KIAA1549L: variants seen among roughly 807,000 people sequenced by gnomAD.
KIAA1549L encodes KIAA1549 like.
KIAA1549L carries 88 observed loss-of-function variants against 160.7 expected under a neutral mutation model. The observed-to-expected ratio is 0.55, with a 90% CI of 0.46 to 0.65. The LOEUF is 0.65. Ranked by LOEUF, KIAA1549L falls within the 30% of genes least tolerant of loss-of-function variation. The pLI, the probability that KIAA1549L is intolerant of heterozygous loss-of-function variation, is 0.00. For synonymous variants in KIAA1549L, 950 were observed against 976.7 expected (o/e 0.97, Z 0.51); for missense variants, 2,258 against 2,437.5 (o/e 0.93, Z 1.55).
chr11:33,597,228 G>A (rs1234563231), intron 12 of KIAA1549L, among the ~76,000 whole-genome samples: 3 of 152,230 alleles, frequency 2.0e-5, no homozygotes, highest in Non-Finnish European at 4.4e-5. Context: ...GAACTTTGGC[G>A]AGGAATGTCC....
chr11:33,549,077 A>G (rs995143747), intron 4 of KIAA1549L, among the ~76,000 whole-genome samples: 3 of 152,268 alleles, frequency 2.0e-5, no homozygotes, highest in African/African-American at 2.4e-5. Flanking sequence ...CTAATCTTCA[A>G]ACATTCTCAA....
intron 8 of KIAA1549L, among the ~76,000 whole-genome samples, chr11:33,562,510 T>C (rs889809938): frequency 6.6e-6 from 1 of 152,100 alleles, no homozygotes; most frequent in Non-Finnish European, 1.5e-5. Context: ...TGTTACAGGA[T>C]TGGCTTCTTC....
At chr11:33,574,616 G>A (rs1855380487) in intron 9 of KIAA1549L, 86 bp from the exon 10 acceptor site, 6 of 1,307,730 alleles carry the variant, frequency 4.6e-6, no homozygotes, top group African/African-American at 2.9e-5. Context: ...TCAGCAGTCA[G>A]GAGAGGAACA....
At chr11:33,549,508 T>C (rs1282352495) in intron 4 of KIAA1549L, among the ~76,000 whole-genome samples, 1 of 152,212 alleles carries the variant, frequency 6.6e-6, no homozygotes, top group Non-Finnish European at 1.5e-5. Flanking sequence ...TTTAGTGTTG[T>C]CTTGTGCTGT....
At chr11:33,548,166 G>A (rs1055187675) in intron 4 of KIAA1549L, among the ~76,000 whole-genome samples, 21 of 152,148 alleles carry the variant, frequency 1.4e-4, no homozygotes, top group African/African-American at 5.1e-4. Flanking sequence ...TTGGGAGGCC[G>A]AGGCAGGTGA....
chr11:33,381,209 C>T (rs953064755), intron 1 of KIAA1549L, among the ~76,000 whole-genome samples: 1 of 152,006 alleles, frequency 6.6e-6, no homozygotes, highest in African/African-American at 2.4e-5. Context: ...AGTTTGTGGA[C>T]CCCATTTTGA....
intron 1 of KIAA1549L, among the ~76,000 whole-genome samples, chr11:33,486,762 A>G (rs148520485): frequency 0.012 from 1,765 of 152,260 alleles, 30 homozygotes; most frequent in African/African-American, 0.04. Context: ...AAAAAAATCT[A>G]TGAATAACTC....
At chr11:33,415,445 G>A (rs1850868915) in intron 1 of KIAA1549L, among the ~76,000 whole-genome samples, 1 of 152,088 alleles carries the variant, frequency 6.6e-6, no homozygotes, top group Non-Finnish European at 1.5e-5. Context: ...ATGCTCATTG[G>A]GGATCCTGCC....
chr11:33,591,320 A>C lies in KIAA1549L; in HGVS notation c.4650A>C (p.Thr1550=). The change falls in exon 12 of 21, where the codon ACA becomes ACC. Residue 1550 remains threonine, a synonymous_variant. Coordinates refer to ENST00000658780, the MANE Select transcript of KIAA1549L (RefSeq NM_012194.3). Reference sequence around the variant, plus strand: ...AGGTCATCCCTGTGACTCAGGAGACAGTGGTTCTCCCACTGCCCATTAGAG... The same window carrying C: ...AGGTCATCCCTGTGACTCAGGAGACCGTGGTTCTCCCACTGCCCATTAGAG... ...DEEVIPVTQE[T]VVLPLPIRDA... 3.1e-6 allele frequency: 5 copies of C among 1,613,624 alleles called. No homozygotes were observed. The highest frequency in any genetic ancestry group is 4.2e-6 in the Non-Finnish European group (5 of 1,179,564).
At chr11:33,551,579 CAA>C (rs59152356) in intron 5 of KIAA1549L, among the ~76,000 whole-genome samples, 1 of 146,466 alleles carries the variant, frequency 6.8e-6, no homozygotes, top group African/African-American at 2.5e-5. Context: ...GTTGAACATG[CAA>C]AAAAAAAAAA....
At chr11:33,534,712 G>A (rs1471744208) in intron 1 of KIAA1549L, among the ~76,000 whole-genome samples, 2 of 152,060 alleles carry the variant, frequency 1.3e-5, no homozygotes, top group African/African-American at 4.8e-5. Flanking sequence ...CAAGTCTCAG[G>A]TGCTATGTTA....
chr11:33,402,204 T>C (rs902881151), intron 1 of KIAA1549L, among the ~76,000 whole-genome samples: 1 of 152,202 alleles, frequency 6.6e-6, no homozygotes, highest in Non-Finnish European at 1.5e-5. Flanking sequence ...TCCCCTGACC[T>C]GGCCATCCTG....
intron 11 of KIAA1549L, among the ~76,000 whole-genome samples, 172 bp downstream of exon 11, chr11:33,583,673 T>C (rs184927689): frequency 2.2e-4 from 34 of 152,324 alleles, no homozygotes; most frequent in African/African-American, 7.9e-4. Context: ...TTTGTGGTTA[T>C]CTGATGCCCA....
intron 1 of KIAA1549L, among the ~76,000 whole-genome samples, chr11:33,454,451 A>C (rs960206498): frequency 5.3e-5 from 8 of 152,234 alleles, no homozygotes; most frequent in Admixed American, 5.2e-4. Flanking sequence ...ACAGAAAGCT[A>C]TAAAATTCTG....
intron 1 of KIAA1549L, among the ~76,000 whole-genome samples, chr11:33,431,261 TCCACAGTG>T (rs1226917976): frequency 6.6e-6 from 1 of 152,128 alleles, no homozygotes; most frequent in Non-Finnish European, 1.5e-5. Flanking sequence ...GAGCAAAGCT[TCCACAGTG>T]TGGAAGGGGA....
Position 33,543,639 on chromosome 11 carries a change from C to T in KIAA1549L, c.2076C>T (p.Thr692=). ...TAGGAGACATGAAAAAGCCAGCAAC[C>T]ACAGATGTTTTCTGGAGTTCTCTTT... is the stretch of plus-strand genomic sequence containing the variant. The part of the protein sequence containing the change: ...LTIGDMKKPA[T]TDVFWSSLSA... Residue 692 remains threonine (T), a synonymous_variant, in exon 2 of 21, where the codon ACC becomes ACT. Transcript: ENST00000658780. The T allele has an allele frequency of 1.9e-6, 3 of 1,613,904 alleles. No homozygotes were observed. The highest frequency in any genetic ancestry group is 1.7e-6 in the Non-Finnish European group (2 of 1,179,818).
At chr11:33,495,495 A>G (rs1451633908) in intron 1 of KIAA1549L, among the ~76,000 whole-genome samples, 14 of 152,024 alleles carry the variant, frequency 9.2e-5, no homozygotes, top group Non-Finnish European at 2.1e-4. Context: ...CATGGCGTAT[A>G]TGTGCCACAT....
At chr11:33,451,987 A>G (rs1851729780) in intron 1 of KIAA1549L, among the ~76,000 whole-genome samples, 1 of 152,356 alleles carries the variant, frequency 6.6e-6, no homozygotes, top group African/African-American at 2.4e-5. Context: ...CCAAGATCAC[A>G]GAGCTGAAAT....
chr11:33,542,566 C>T lies in KIAA1549L; in HGVS notation c.1003C>T (p.His335Tyr), dbSNP rs752719449. Residue 335 changes from histidine (H) to tyrosine (Y), a missense_variant, in exon 2 of 21, where the codon CAT becomes TAT. Physicochemically the swap from His to Tyr is moderately conservative, Grantham distance 83. Transcript: ENST00000658780. ...CGAGCTGTCCCCAACAGAGGGTCCC[C>T]ATTCAGCAGGTTCATCCACACCTGG... Reference protein sequence around the residue: ...HSELSPTEGPHSAGSSTPGFL... With the variant: ...HSELSPTEGPYSAGSSTPGFL... 6.2e-7 allele frequency: 1 copy of T among 1,613,920 alleles called. No individual in the cohort carries two copies. Among genetic ancestry groups the T allele is most frequent in the South Asian group, 1.1e-5 (1 of 91,086 alleles).
Sources: allele counts gnomAD v4.1 joint callset (sites outside exome capture counted in the v4.1 genomes callset), GRCh38; gene constraint gnomAD v4.1.1; transcripts MANE v1.5; gene names NCBI Gene and HGNC (gene_info 2026-07-23, HGNC 2026-07-21).